SEPTIN2: variants seen among roughly 807,000 people sequenced by gnomAD.
SEPTIN2 encodes septin 2.
SEPTIN2 carries 34 observed loss-of-function variants against 46.5 expected under a neutral mutation model. The ratio of observed to expected loss-of-function variants is 0.73; its 90% CI spans 0.56 to 0.97. The LOEUF (loss-of-function observed/expected upper bound fraction) is 0.97, where lower values mean the gene tolerates loss of function less well. Among genes scored for constraint, SEPTIN2 ranks in the 50% least tolerant of loss-of-function variants. The probability of loss-of-function intolerance (pLI) is 0.00; values close to 1 mark genes in which losing one functional copy is unlikely to be tolerated. For synonymous variants in SEPTIN2, 175 were observed against 153.4 expected (o/e 1.14, Z -1.04); for missense variants, 347 against 448.4 (o/e 0.77, Z 2.04).
intron 3 of SEPTIN2, among the ~76,000 whole-genome samples, chr2:241,328,585 A>G (rs2078410353): frequency 6.6e-6 from 1 of 151,570 alleles, no homozygotes; most frequent in African/African-American, 2.4e-5. Context: ...AAAAAAAAAA[A>G]TACTAAATTA....
chr2:241,334,120 A>G, intron 3 of SEPTIN2, among the ~76,000 whole-genome samples: 1 of 152,092 alleles, frequency 6.6e-6, no homozygotes, highest in African/African-American at 2.4e-5. Flanking sequence ...GTGATCCTCC[A>G]GCCTTGGTCT....
chr2:241,340,322 G>A (rs2081085359), intron 7 of SEPTIN2, among the ~76,000 whole-genome samples: 1 of 152,104 alleles, frequency 6.6e-6, no homozygotes, highest in South Asian at 2.1e-4. Context: ...CTTTTTTATT[G>A]ACTTAACACA....
rs769932259 is a variant in SEPTIN2 at position 241,336,156 on chromosome 2, TATAG to T, written c.341+63_341+66del. The T allele has an allele frequency of 1.4e-5, 22 of 1,539,636 alleles. No homozygotes were observed. In the East Asian group the frequency reaches 4.4e-4, roughly 31 times the overall value. On this transcript the variant is annotated intron_variant, in intron 5 of 12. Transcript: ENST00000391971. ...GTTTACTTAATATACTTCATAAATT[TATAG>T]ATAGTGTTAATGAGTGATTATTAAG...
At chr2:241,321,060 A>T (rs559543828) in intron 1 of SEPTIN2, among the ~76,000 whole-genome samples, 2 of 152,342 alleles carry the variant, frequency 1.3e-5, no homozygotes, top group South Asian at 2.1e-4. Context: ...CATTGACTGT[A>T]AAAATGTTTT....
intron 11 of SEPTIN2, among the ~76,000 whole-genome samples, chr2:241,348,823 TCTG>T (rs2060513856): frequency 6.6e-6 from 1 of 152,202 alleles, no homozygotes; most frequent in Non-Finnish European, 1.5e-5. Flanking sequence ...GGCATTCAGA[TCTG>T]CTGGAGTTTT....
chr2:241,333,789 C>T (rs1269423582), intron 3 of SEPTIN2, among the ~76,000 whole-genome samples: 2 of 152,232 alleles, frequency 1.3e-5, no homozygotes, highest in Non-Finnish European at 2.9e-5. Context: ...AGGCGTGGGC[C>T]ACCGCGCCCG....
chr2:241,316,789 T>C lies in SEPTIN2; in HGVS notation c.-18+807T>C. The C allele has an allele frequency of 5.1e-6, 2 of 389,498 alleles. 1 individual carries two copies. The highest frequency in any genetic ancestry group is 7.7e-5 in the East Asian group (2 of 25,990). 24.1% of individuals were successfully genotyped at this position (389,498 alleles called of 1,614,324 possible). On this transcript the variant is annotated intron_variant, in intron 1 of 12. Transcript: ENST00000391971. Reference sequence around the variant, plus strand: ...CACGAACCAACTACACTGAACTTCTTGTAGTTCAAACTTCTGCACCTTTGG... The same window carrying C: ...CACGAACCAACTACACTGAACTTCTCGTAGTTCAAACTTCTGCACCTTTGG...
intron 7 of SEPTIN2, among the ~76,000 whole-genome samples, chr2:241,341,529 C>T (rs2081259245): frequency 6.6e-6 from 1 of 152,176 alleles, no homozygotes; most frequent in Non-Finnish European, 1.5e-5. Flanking sequence ...GACAGGTGAG[C>T]AAGTTCATGC....
chr2:241,330,561 T>G (rs1481618192), intron 3 of SEPTIN2, among the ~76,000 whole-genome samples: 5 of 152,240 alleles, frequency 3.3e-5, no homozygotes, highest in East Asian at 3.8e-4. Flanking sequence ...GGGTGTGTGT[T>G]GGGAATATCC....
intron 7 of SEPTIN2, among the ~76,000 whole-genome samples, chr2:241,339,494 T>A (rs1235423782): frequency 2.0e-5 from 3 of 152,340 alleles, no homozygotes; most frequent in Non-Finnish European, 4.4e-5. Flanking sequence ...GTAATACTAT[T>A]CTGCCATTTG....
chr2:241,343,601 A>G (rs1235653256), intron 8 of SEPTIN2, 151 bp from the exon 9 acceptor site: 9 of 814,178 alleles, frequency 1.1e-5, no homozygotes, highest in East Asian at 2.5e-5. Context: ...AGTATCTGAC[A>G]CTTTTCAAGA....
chr2:241,333,390 A>G (rs2079347717), intron 3 of SEPTIN2, among the ~76,000 whole-genome samples: 1 of 152,250 alleles, frequency 6.6e-6, no homozygotes, highest in African/African-American at 2.4e-5. Flanking sequence ...ACAGGCATTT[A>G]GTCAAATTTT....
At chr2:241,321,400 C>T (rs2077098748) in intron 1 of SEPTIN2, among the ~76,000 whole-genome samples, 1 of 151,954 alleles carries the variant, frequency 6.6e-6, no homozygotes, top group East Asian at 1.9e-4. Flanking sequence ...AGCTTGTTAT[C>T]CCTGTTATTC....
chr2:241,341,022 C>T (rs1011883485), intron 7 of SEPTIN2, among the ~76,000 whole-genome samples: 6 of 152,228 alleles, frequency 3.9e-5, no homozygotes, highest in Admixed American at 1.3e-4. Flanking sequence ...TGGGCCCCAC[C>T]TGTGGGGTTT....
chr2:241,338,902 TTA>T (rs1248638469), intron 7 of SEPTIN2, among the ~76,000 whole-genome samples: 1 of 79,386 alleles, frequency 1.3e-5, no homozygotes, highest in African/African-American at 5.2e-5. Flanking sequence ...ATTATATATA[TTA>T]TATATAATAT....
At chr2:241,347,426 G>T (rs1197975707) in intron 10 of SEPTIN2, among the ~76,000 whole-genome samples, 1 of 152,194 alleles carries the variant, frequency 6.6e-6, no homozygotes, top group East Asian at 1.9e-4. Flanking sequence ...GTAGGCGCTG[G>T]CCCTGAGATG....
chr2:241,338,233 G>C (rs922034167), intron 7 of SEPTIN2, among the ~76,000 whole-genome samples: 1 of 152,086 alleles, frequency 6.6e-6, no homozygotes, highest in Non-Finnish European at 1.5e-5. Context: ...CCTCTCACCC[G>C]CCAGCAGCTC....
intron 7 of SEPTIN2, among the ~76,000 whole-genome samples, chr2:241,339,756 G>T (rs895644600): frequency 6.6e-6 from 1 of 152,024 alleles, no homozygotes; most frequent in South Asian, 2.1e-4. Context: ...TCAGATACCT[G>T]TGTGGGGAAC....
At chr2:241,339,011 A>G (rs940559653) in intron 7 of SEPTIN2, among the ~76,000 whole-genome samples, 1 of 118,258 alleles carries the variant, frequency 8.5e-6, no homozygotes, top group African/African-American at 3.2e-5. Flanking sequence ...TAAATATTAT[A>G]TTTATACATT....
Sources: gnomAD v4.1 joint callset for allele counts (sites outside exome capture counted in the v4.1 genomes callset) on GRCh38, gnomAD v4.1.1 for gene constraint, MANE v1.5 for transcripts, NCBI Gene and HGNC (gene_info 2026-07-23, HGNC 2026-07-21) for gene names.